GPC6: variants seen among roughly 807,000 people sequenced by gnomAD.
The protein encoded by GPC6 is glypican-6.
A neutral mutation model predicts 55.2 loss-of-function variants in GPC6; 14 were observed. That is an observed-to-expected ratio of 0.25 (90% CI 0.17 to 0.40). The LOEUF (loss-of-function observed/expected upper bound fraction) is 0.40, where lower values mean the gene tolerates loss of function less well. Among genes scored for constraint, GPC6 ranks in the 10% least tolerant of loss-of-function variants. The pLI is 1.00. For missense variants in GPC6, 641 were observed against 708.5 expected (o/e 0.90, Z 1.08); for synonymous variants, 278 against 259.6 (o/e 1.07, Z -0.68).
chr13:93,516,450 G>T (rs1881194784), intron 1 of GPC6, among the ~76,000 whole-genome samples: 1 of 152,100 alleles, frequency 6.6e-6, no homozygotes, highest in African/African-American at 2.4e-5. Flanking sequence ...CAATTTACCA[G>T]GAGAGTTTTG....
At chr13:93,868,937 A>G (rs1172967438) in intron 3 of GPC6, among the ~76,000 whole-genome samples, 1 of 151,800 alleles carries the variant, frequency 6.6e-6, no homozygotes, top group Non-Finnish European at 1.5e-5. Flanking sequence ...GGAGGAGAGA[A>G]GTTCGGAACT....
At chr13:93,759,223 C>T (rs1303054091) in intron 2 of GPC6, among the ~76,000 whole-genome samples, 2 of 152,106 alleles carry the variant, frequency 1.3e-5, no homozygotes, top group Non-Finnish European at 2.9e-5. Flanking sequence ...TCAAGCTTGC[C>T]TCCCTTTCCA....
chr13:94,304,144 A>C (rs1875816473), intron 5 of GPC6, among the ~76,000 whole-genome samples: 1 of 152,248 alleles, frequency 6.6e-6, no homozygotes. Flanking sequence ...AGGGCCCACT[A>C]TCTTTATCAC....
chr13:93,851,515 G>A (rs918116229), intron 3 of GPC6, among the ~76,000 whole-genome samples: 10 of 151,814 alleles, frequency 6.6e-5, no homozygotes, highest in African/African-American at 2.4e-4. Context: ...GAGTGTTCAG[G>A]AATCAAGATT....
chr13:94,013,946 A>T (rs1385003131), intron 3 of GPC6, among the ~76,000 whole-genome samples: 2 of 152,158 alleles, frequency 1.3e-5, no homozygotes, highest in Non-Finnish European at 2.9e-5. Context: ...CATAAGCCTC[A>T]TGCTTTTCTG....
At chr13:93,975,264 A>G (rs988632820) in intron 3 of GPC6, among the ~76,000 whole-genome samples, 3 of 152,206 alleles carry the variant, frequency 2.0e-5, no homozygotes, top group African/African-American at 7.2e-5. Flanking sequence ...AAATTATGTT[A>G]AACTCTTGCC....
upstream of GPC6, among the ~76,000 whole-genome samples, chr13:93,223,820 C>T (rs1469953182): frequency 6.6e-6 from 1 of 151,754 alleles, no homozygotes; most frequent in East Asian, 1.9e-4. Flanking sequence ...CCAATCCTTT[C>T]CTCAGAATCT....
At chr13:93,629,398 C>T (rs9516260) in intron 2 of GPC6, among the ~76,000 whole-genome samples, 65,655 of 151,404 alleles carry the variant, frequency 0.43, 15,430 homozygotes, top group Middle Eastern at 0.63. Flanking sequence ...TATTAGAAAA[C>T]GGCAATAAAC....
intron 2 of GPC6, among the ~76,000 whole-genome samples, chr13:93,745,634 T>C (rs1180687796): frequency 4.6e-5 from 7 of 152,186 alleles, no homozygotes; most frequent in Non-Finnish European, 1.0e-4. Context: ...TGATCTTTTC[T>C]CTTTTGAGAT....
chr13:94,310,188 G>A (rs1374273809), intron 6 of GPC6, among the ~76,000 whole-genome samples: 1 of 152,172 alleles, frequency 6.6e-6, no homozygotes, highest in African/African-American at 2.4e-5. Context: ...CTTGGACAGG[G>A]AGTGTCAGTT....
chr13:94,267,743 A>G (rs1177139014), intron 4 of GPC6, among the ~76,000 whole-genome samples: 1 of 152,154 alleles, frequency 6.6e-6, no homozygotes, highest in East Asian at 1.9e-4. Flanking sequence ...GAGTGAGGCA[A>G]TTTTGTTATG....
intron 1 of GPC6, among the ~76,000 whole-genome samples, chr13:93,487,067 A>C (rs1297633507): frequency 6.6e-6 from 1 of 152,170 alleles, no homozygotes; most frequent in South Asian, 2.1e-4. Flanking sequence ...AGCAGGGCTG[A>C]TACCTCGCAG....
chr13:94,216,756 GC>G (rs1890236470), intron 4 of GPC6, among the ~76,000 whole-genome samples: 1 of 152,150 alleles, frequency 6.6e-6, no homozygotes, highest in Non-Finnish European at 1.5e-5. Flanking sequence ...GATAAGACCA[GC>G]CTTTACTCCA....
intron 4 of GPC6, among the ~76,000 whole-genome samples, chr13:94,045,915 A>G (rs952841245): frequency 1.3e-5 from 2 of 151,978 alleles, no homozygotes; most frequent in African/African-American, 4.8e-5. Context: ...TATTCTATTG[A>G]ACCACCAAAA....
intron 1 of GPC6, among the ~76,000 whole-genome samples, chr13:93,426,030 A>C (rs1222246476): frequency 6.6e-6 from 1 of 152,182 alleles, no homozygotes; most frequent in Non-Finnish European, 1.5e-5. Context: ...GGTTGGGCTA[A>C]GGGCAGAAAC....
chr13:94,224,298 G>A (rs989300989), intron 4 of GPC6, among the ~76,000 whole-genome samples: 4 of 145,350 alleles, frequency 2.8e-5, no homozygotes, highest in Non-Finnish European at 6.0e-5. Context: ...ATATACAAGG[G>A]GACTTCAAAA....
At chr13:94,113,888 G>A (rs980574193) in intron 4 of GPC6, among the ~76,000 whole-genome samples, 2 of 151,500 alleles carry the variant, frequency 1.3e-5, no homozygotes, top group African/African-American at 2.4e-5. Flanking sequence ...CAGATGTGGT[G>A]GCACATGTCT....
At chr13:93,470,133 G>T (rs1274620962) in intron 1 of GPC6, among the ~76,000 whole-genome samples, 1 of 151,702 alleles carries the variant, frequency 6.6e-6, no homozygotes, top group Non-Finnish European at 1.5e-5. Flanking sequence ...AAATCAGCTT[G>T]TCTATACTGA....
At chr13:93,449,566 G>A (rs1024670667) in intron 1 of GPC6, among the ~76,000 whole-genome samples, 8 of 152,134 alleles carry the variant, frequency 5.3e-5, no homozygotes, top group Admixed American at 2.0e-4. Flanking sequence ...CGGTGCTCAC[G>A]CACATAATCC....
Sources: allele counts gnomAD v4.1 joint callset (sites outside exome capture counted in the v4.1 genomes callset), GRCh38; gene constraint gnomAD v4.1.1; transcripts MANE v1.5; gene names NCBI Gene and HGNC (gene_info 2026-07-23, HGNC 2026-07-21).